The following ASIC2 variants were observed in gnomAD, a reference collection of about 807,000 sequenced individuals.
ASIC2 encodes acid-sensing ion channel 2.
Under a neutral mutation model 57.3 loss-of-function variants are expected in ASIC2, and 25 were observed. That is an observed-to-expected ratio of 0.44 (90% confidence interval 0.32 to 0.61). The LOEUF is 0.61. ASIC2 is among the 20% of genes least tolerant of loss of function. The pLI, the probability that ASIC2 is intolerant of heterozygous loss-of-function variation, is 0.06. For missense variants in ASIC2, 641 were observed against 738.1 expected (o/e 0.87, Z 1.52); for synonymous variants, 319 against 307.5 (o/e 1.04, Z -0.39).
chr17:34,136,858 G>A (rs1912139542), intron 1 of ASIC2, among the ~76,000 whole-genome samples: 1 of 152,164 alleles, frequency 6.6e-6, no homozygotes, highest in Non-Finnish European at 1.5e-5. Context: ...CTCCCTCACA[G>A]CCTGTCTCTG....
chr17:33,544,487 A>AATT (rs557146681), intron 1 of ASIC2, among the ~76,000 whole-genome samples: 57 of 152,270 alleles, frequency 3.7e-4, no homozygotes, highest in African/African-American at 1.3e-3. Flanking sequence ...AACTTTCTGT[A>AATT]CCTTTTTAAA....
At chr17:33,932,741 A>ATATAT (rs1164278543) in intron 1 of ASIC2, 3 of 58,708 alleles carry the variant, frequency 5.1e-5, no homozygotes, top group African/African-American at 6.8e-5. Flanking sequence ...AAAAAAAAAA[A>ATATAT]ATATATATAT....
intron 1 of ASIC2, among the ~76,000 whole-genome samples, chr17:33,504,829 C>T (rs908822902): frequency 2.6e-5 from 4 of 152,188 alleles, no homozygotes; most frequent in African/African-American, 9.7e-5. Flanking sequence ...TTTATCTCTG[C>T]TAAATTTCAT....
chr17:33,521,489 G>C (rs1914740247), intron 1 of ASIC2, among the ~76,000 whole-genome samples: 1 of 152,148 alleles, frequency 6.6e-6, no homozygotes, highest in Non-Finnish European at 1.5e-5. Context: ...CGAAGTCCTG[G>C]AGACAGAAGT....
intron 1 of ASIC2, among the ~76,000 whole-genome samples, chr17:33,247,861 T>C (rs900350042): frequency 1.3e-5 from 2 of 152,194 alleles, no homozygotes; most frequent in Admixed American, 6.5e-5. Flanking sequence ...AATAAATCAG[T>C]GGGCACAAGA....
chr17:33,574,587 A>G (rs1916558445), intron 1 of ASIC2, among the ~76,000 whole-genome samples: 1 of 152,220 alleles, frequency 6.6e-6, no homozygotes, highest in South Asian at 2.1e-4. Flanking sequence ...GACAAAAAAT[A>G]AAAATGTTTC....
intron 1 of ASIC2, among the ~76,000 whole-genome samples, chr17:33,345,889 T>C (rs1907923407): frequency 6.6e-6 from 1 of 151,974 alleles, no homozygotes; most frequent in African/African-American, 2.4e-5. Context: ...AGTAGAATGA[T>C]GAGAAATGAT....
At chr17:33,783,120 G>A (rs1911507123) in intron 1 of ASIC2, among the ~76,000 whole-genome samples, 1 of 152,160 alleles carries the variant, frequency 6.6e-6, no homozygotes, top group Non-Finnish European at 1.5e-5. Context: ...ACCACACTGT[G>A]CAGTTTCCTT....
intron 1 of ASIC2, among the ~76,000 whole-genome samples, chr17:33,869,129 C>T (rs185828457): frequency 4.2e-4 from 64 of 152,190 alleles, no homozygotes; most frequent in African/African-American, 1.3e-3. Flanking sequence ...GGAAGATATA[C>T]GAATGGCAAA....
chr17:33,955,881 T>A (rs1904719028), intron 1 of ASIC2, among the ~76,000 whole-genome samples: 1 of 152,230 alleles, frequency 6.6e-6, no homozygotes, highest in South Asian at 2.1e-4. Flanking sequence ...TTTTACTTTT[T>A]CAGATACCTG....
At chr17:33,986,858 C>T (rs2142007427) in intron 1 of ASIC2, among the ~76,000 whole-genome samples, 1 of 152,284 alleles carries the variant, frequency 6.6e-6, no homozygotes, top group South Asian at 2.1e-4. Flanking sequence ...AGCTCATATA[C>T]TCTCCACAAC....
intron 1 of ASIC2, among the ~76,000 whole-genome samples, chr17:33,470,747 C>A (rs1913022396): frequency 6.6e-6 from 1 of 152,158 alleles, no homozygotes; most frequent in African/African-American, 2.4e-5. Context: ...ATCACACACA[C>A]CCAATCACCT....
At chr17:33,647,968 A>G (rs753661564) in intron 1 of ASIC2, among the ~76,000 whole-genome samples, 54 of 152,150 alleles carry the variant, frequency 3.5e-4, no homozygotes, top group Admixed American at 1.6e-3. Context: ...TGCCACCCCC[A>G]TACCTGTCAC....
intron 1 of ASIC2, among the ~76,000 whole-genome samples, chr17:33,259,107 G>C (rs1202184725): frequency 2.0e-5 from 3 of 152,244 alleles, no homozygotes; most frequent in East Asian, 3.9e-4. Flanking sequence ...TAATGGTGAG[G>C]GCTCAGGGTT....
rs199888801 is a variant in ASIC2 at position 33,418,022 on chromosome 17, GTA to G, written c.556-305957_556-305956del. Reference sequence around the variant, plus strand: ...GAGGCCCCACTCTGGCTCTCAGCATGTATGTATGTGTGTGTGTGTGTGTGTGT... The same window carrying G: ...GAGGCCCCACTCTGGCTCTCAGCATGTGTATGTGTGTGTGTGTGTGTGTGT... On this transcript the variant is annotated intron_variant, in intron 1 of 9. Transcript: ENST00000359872. Among the ~76,000 whole-genome samples the G allele has an allele frequency of 1.5e-3, 74 of 48,530 alleles. 1 individual carries two copies. Among genetic ancestry groups the G allele is most frequent in the African/African-American group, 3.4e-3 (64 of 18,728 alleles). 31.8% of individuals were successfully genotyped at this position (48,530 alleles called of 152,430 possible).
intron 1 of ASIC2, among the ~76,000 whole-genome samples, chr17:33,408,856 C>G (rs1027501437): frequency 2.0e-5 from 3 of 152,128 alleles, no homozygotes; most frequent in African/African-American, 7.2e-5. Flanking sequence ...TGAGAGAGGA[C>G]AGGGTAAATA....
chr17:33,808,864 C>T lies in ASIC2; in HGVS notation c.555+347114G>A, dbSNP rs186165159. ...TTCCCTGACCCCTATTCTATCTTCT[C>T]CTGTTTTCCCTGCTTTATGATGTCC... is the stretch of plus-strand genomic sequence containing the variant. On this transcript the variant is annotated intron_variant, in intron 1 of 9. Transcript: ENST00000359872. Among the ~76,000 whole-genome samples the T allele has an allele frequency of 1.3e-4, 20 of 152,344 alleles. No individual in the cohort carries two copies. In the East Asian group the frequency reaches 3.9e-3, roughly 29 times the overall value.
At chr17:33,079,739 G>A (rs1000772700) in intron 3 of ASIC2, among the ~76,000 whole-genome samples, 1 of 152,088 alleles carries the variant, frequency 6.6e-6, no homozygotes, top group African/African-American at 2.4e-5. Flanking sequence ...AGCATCATTT[G>A]GGCACTTACG....
intron 1 of ASIC2, among the ~76,000 whole-genome samples, chr17:33,167,844 A>G (rs1905361013): frequency 1.3e-5 from 2 of 152,242 alleles, no homozygotes; most frequent in Admixed American, 1.3e-4. Context: ...CCTTTCAAAT[A>G]CCATTTCCTA....
Sources: allele counts gnomAD v4.1 joint callset (sites outside exome capture counted in the v4.1 genomes callset), GRCh38; gene constraint gnomAD v4.1.1; transcripts MANE v1.5; gene names NCBI Gene and HGNC (gene_info 2026-07-23, HGNC 2026-07-21).